The following ADAMTSL1 variants were observed in gnomAD, a reference collection of about 807,000 sequenced individuals.
ADAMTSL1 encodes the protein ADAMTS like 1.
In ADAMTSL1, 126 loss-of-function variants were observed where a neutral mutation model predicts 201.8. The observed-to-expected ratio is 0.62, with a 90% CI of 0.54 to 0.72. The LOEUF is 0.72. Among genes scored for constraint, ADAMTSL1 ranks in the 30% least tolerant of loss-of-function variants. ADAMTSL1 has a pLI of 0.00. For missense variants in ADAMTSL1, 2,679 were observed against 2,277.8 expected, an observed-to-expected ratio of 1.18 and a Z score of -3.59; for synonymous variants, 1,121 against 903.4, an observed-to-expected ratio of 1.24 and a Z score of -4.32.
At chr9:18,359,102 A>G (rs1000767995) in intron 2 of ADAMTSL1, among the ~76,000 whole-genome samples, 1 of 152,242 alleles carries the variant, frequency 6.6e-6, no homozygotes, top group Non-Finnish European at 1.5e-5. Context: ...TAACTCAATA[A>G]TAATTATATG....
chr9:18,278,746 C>T (rs1337570247), intron 2 of ADAMTSL1, among the ~76,000 whole-genome samples: 1 of 152,154 alleles, frequency 6.6e-6, no homozygotes, highest in Non-Finnish European at 1.5e-5. Context: ...AATAAGCTTT[C>T]TTCCACTTTC....
rs140803667 is a variant in ADAMTSL1 at position 18,840,527 on chromosome 9, T to C, written c.4249+10550T>C. Among the ~76,000 whole-genome samples, 185 of 152,332 alleles carry C rather than the reference T, an allele frequency of 1.2e-3. 1 individual carries two copies. Among genetic ancestry groups the C allele is most frequent in the African/African-American group, 4.0e-3 (166 of 41,576 alleles). On this transcript the variant is annotated intron_variant, in intron 23 of 28. Transcript: ENST00000380548. ...TTGACTTCGCGATGTGGGCTCTTTT[T>C]TGGTTCCATATGAACTTTAAAGTAG...
intron 2 of ADAMTSL1, among the ~76,000 whole-genome samples, chr9:18,370,963 T>C (rs937423160): frequency 6.6e-6 from 1 of 152,226 alleles, no homozygotes; most frequent in Middle Eastern, 3.2e-3. Context: ...GTCTGATTGT[T>C]ACAAGACGCT....
chr9:18,639,595 T>C lies in ADAMTSL1; in HGVS notation c.834+184T>C, dbSNP rs568613311. ...CTGGACCTTATGAGGACATATGATA[T>C]TTCAAGGTCATAGAAAATCTTTATT... On this transcript the variant is annotated intron_variant, in intron 7 of 28. Transcript: ENST00000380548. Among the ~76,000 whole-genome samples, 4 of 152,210 alleles carry C rather than the reference T, an allele frequency of 2.6e-5. No homozygotes were observed. In the South Asian group the frequency reaches 8.3e-4, roughly 32 times the overall value.
intron 2 of ADAMTSL1, among the ~76,000 whole-genome samples, chr9:18,186,902 G>T (rs982160105): frequency 1.3e-5 from 2 of 151,598 alleles, no homozygotes; most frequent in Admixed American, 6.6e-5. Context: ...TATTATTGAC[G>T]ATAAGGATGG....
At chr9:18,118,882 C>T (rs531429890) in intron 1 of ADAMTSL1, among the ~76,000 whole-genome samples, 1 of 152,042 alleles carries the variant, frequency 6.6e-6, no homozygotes, top group African/African-American at 2.4e-5. Flanking sequence ...CAGAAAATAC[C>T]GCAAAGCATG....
chr9:18,777,467 G>C lies in ADAMTSL1; in HGVS notation c.3238G>C (p.Asp1080His). The part of the protein sequence containing the change: ...TMVTEQRRLD[D>H]ILGNLSQQPE... ...GGTGACCGAGCAGCGGCGCCTGGAC[G>C]ACATCCTGGGGAACCTCTCCCAGCA... The change falls in exon 19 of 29, where the codon GAC (aspartate) becomes CAC (histidine). Residue 1080 changes from aspartate to histidine, a missense_variant. Transcript: ENST00000380548. 1 of 1,593,886 alleles carries C rather than the reference G, an allele frequency of 6.3e-7. No individual in the cohort carries two copies. Among genetic ancestry groups the C allele is most frequent in the Non-Finnish European group, 8.5e-7 (1 of 1,170,552 alleles).
intron 16 of ADAMTSL1, among the ~76,000 whole-genome samples, chr9:18,767,852 C>G (rs1820454936): frequency 6.6e-6 from 1 of 152,144 alleles, no homozygotes; most frequent in African/African-American, 2.4e-5. Context: ...AGGCTTAGGC[C>G]AGTTACTTGA....
chr9:18,223,431 T>C (rs1830335589), intron 2 of ADAMTSL1, among the ~76,000 whole-genome samples: 2 of 152,126 alleles, frequency 1.3e-5, no homozygotes, highest in Non-Finnish European at 2.9e-5. Flanking sequence ...TTAGAATTTT[T>C]TTCATTTTAT....
chr9:17,941,420 G>A (rs932746774), intron 1 of ADAMTSL1, among the ~76,000 whole-genome samples: 7 of 152,234 alleles, frequency 4.6e-5, no homozygotes, highest in Non-Finnish European at 7.4e-5. Flanking sequence ...TTTTGGATAC[G>A]TGTAGTTTAT....
intron 2 of ADAMTSL1, among the ~76,000 whole-genome samples, chr9:18,304,920 T>G (rs1350343346): frequency 1.3e-5 from 2 of 152,190 alleles, no homozygotes; most frequent in African/African-American, 2.4e-5. Flanking sequence ...CTGGGCAAGA[T>G]GGCTGAATAG....
chr9:18,011,080 G>A (rs533263698), intron 1 of ADAMTSL1, among the ~76,000 whole-genome samples: 6 of 151,988 alleles, frequency 3.9e-5, no homozygotes, highest in Non-Finnish European at 7.4e-5. Flanking sequence ...TGATAAAAAC[G>A]TGTAAGAATA....
At chr9:18,392,094 G>A (rs1350355397) in intron 2 of ADAMTSL1, among the ~76,000 whole-genome samples, 2 of 152,022 alleles carry the variant, frequency 1.3e-5, no homozygotes, top group African/African-American at 4.8e-5. Flanking sequence ...AAAGTGCTGG[G>A]ATTACAGGCA....
At chr9:18,114,485 A>T (rs1825166020) in intron 1 of ADAMTSL1, among the ~76,000 whole-genome samples, 1 of 152,148 alleles carries the variant, frequency 6.6e-6, no homozygotes, top group Non-Finnish European at 1.5e-5. Context: ...AATGCTAAAA[A>T]ATAAGGAAGG....
At chr9:18,318,845 T>C (rs568946689) in intron 2 of ADAMTSL1, among the ~76,000 whole-genome samples, 1 of 152,342 alleles carries the variant, frequency 6.6e-6, no homozygotes, top group East Asian at 1.9e-4. Context: ...CCAAGCTGTA[T>C]GCCAAGTGCT....
intron 20 of ADAMTSL1, among the ~76,000 whole-genome samples, chr9:18,809,113 G>A (rs1342276889): frequency 2.0e-5 from 3 of 152,210 alleles, no homozygotes; most frequent in South Asian, 4.1e-4. Flanking sequence ...AGTAGCAGGG[G>A]CTGGGGGGAG....
chr9:18,283,309 T>G (rs1022736908), intron 2 of ADAMTSL1, among the ~76,000 whole-genome samples: 2 of 152,056 alleles, frequency 1.3e-5, no homozygotes, highest in African/African-American at 4.8e-5. Flanking sequence ...TCCTTTTACT[T>G]TAAACCTATC....
intron 1 of ADAMTSL1, among the ~76,000 whole-genome samples, chr9:17,976,323 C>T (rs886577594): frequency 2.0e-5 from 3 of 151,828 alleles, no homozygotes; most frequent in African/African-American, 7.3e-5. Context: ...GTAGTATGGG[C>T]AATTTAACAG....
At chr9:18,406,796 A>G (rs1344786953) in intron 2 of ADAMTSL1, among the ~76,000 whole-genome samples, 1 of 152,190 alleles carries the variant, frequency 6.6e-6, no homozygotes, top group Non-Finnish European at 1.5e-5. Flanking sequence ...GGAACCCTGG[A>G]TACAGAATGA....
Sources: allele counts gnomAD v4.1 joint callset (sites outside exome capture counted in the v4.1 genomes callset), GRCh38; gene constraint gnomAD v4.1.1; transcripts MANE v1.5; gene names NCBI Gene and HGNC (gene_info 2026-07-23, HGNC 2026-07-21).